OCM: variants seen among roughly 807,000 people sequenced by gnomAD.
The protein encoded by OCM is oncomodulin.
Under a neutral mutation model 14.1 loss-of-function variants are expected in OCM, and 18 were observed. The observed-to-expected ratio is 1.28, with a 90% CI of 0.88 to 1.89. The LOEUF (loss-of-function observed/expected upper bound fraction) is 1.89, where lower values mean the gene tolerates loss of function less well. OCM is among the 40% of genes most tolerant of loss of function. OCM has a pLI of 0.00. For missense variants in OCM, 140 were observed against 137.6 expected, an observed-to-expected ratio of 1.02 and a Z score of -0.09; for synonymous variants, 48 against 51.0, an observed-to-expected ratio of 0.94 and a Z score of 0.25.
chr7:5,862,216 A>C, the OCM span, among the ~76,000 whole-genome samples: 1 of 152,180 alleles, frequency 6.6e-6, no homozygotes, highest in African/African-American at 2.4e-5. Context: ...CAGGACCCCA[A>C]ACTCACTATG....
chr7:5,881,388 A>T (rs1781214438), intron 1 of OCM, among the ~76,000 whole-genome samples: 1 of 151,826 alleles, frequency 6.6e-6, no homozygotes, highest in Non-Finnish European at 1.5e-5. Context: ...TTTGGAGGCC[A>T]AGGTGAGAGG....
the OCM span, among the ~76,000 whole-genome samples, chr7:5,866,749 A>G: frequency 6.6e-6 from 1 of 152,042 alleles, no homozygotes; most frequent in Admixed American, 6.6e-5. Context: ...ATTTAGCAAA[A>G]CTGGGACTGC....
At chr7:5,874,972 T>C (rs1370735857), upstream of OCM, among the ~76,000 whole-genome samples, 1 of 151,960 alleles carries the variant, frequency 6.6e-6, no homozygotes, top group Admixed American at 6.6e-5. Context: ...TCTCTGTCAA[T>C]TTGAATATTC....
chr7:5,860,794 A>G, the OCM span, among the ~76,000 whole-genome samples: 1 of 87,832 alleles, frequency 1.1e-5, no homozygotes, highest in East Asian at 3.0e-4. Flanking sequence ...ATATATACAT[A>G]TATATACACA....
the OCM span, among the ~76,000 whole-genome samples, chr7:5,871,547 T>C: frequency 6.6e-6 from 1 of 152,008 alleles, no homozygotes; most frequent in Non-Finnish European, 1.5e-5. Context: ...TTGCCATGGT[T>C]AAATGACACG....
upstream of OCM, among the ~76,000 whole-genome samples, chr7:5,878,754 CAAAA>C (rs1209421248): frequency 1.6e-5 from 2 of 126,246 alleles, no homozygotes; most frequent in Non-Finnish European, 3.4e-5. Flanking sequence ...TCTCAAAAAA[CAAAA>C]AAAAAAAATG....
upstream of OCM, chr7:5,880,678 G>C: frequency 2.0e-6 from 1 of 494,530 alleles, no homozygotes; most frequent in Non-Finnish European, 3.6e-6. Flanking sequence ...AGAATCACTT[G>C]AGCCCAGGAG....
the OCM span, among the ~76,000 whole-genome samples, chr7:5,869,007 G>A: frequency 6.6e-6 from 1 of 152,118 alleles, no homozygotes; most frequent in Non-Finnish European, 1.5e-5. Context: ...AGGTTGCAGT[G>A]AGCTGAGATC....
At chr7:5,868,085 G>A in the OCM span, among the ~76,000 whole-genome samples, 1 of 151,612 alleles carries the variant, frequency 6.6e-6, no homozygotes, top group East Asian at 1.9e-4. Context: ...TTTTTCTTCG[G>A]TGTCTAATTT....
At chr7:5,884,839 G>T (rs1250362951) in intron 3 of OCM, among the ~76,000 whole-genome samples, 9 of 152,094 alleles carry the variant, frequency 5.9e-5, no homozygotes, top group Admixed American at 4.6e-4. Context: ...ATAACCAGGG[G>T]CTGGGCGTGG....
At chr7:5,883,555 G>C (rs1781269839) in intron 2 of OCM, among the ~76,000 whole-genome samples, 1 of 151,712 alleles carries the variant, frequency 6.6e-6, no homozygotes, top group Non-Finnish European at 1.5e-5. Flanking sequence ...GGCATGGTGG[G>C]GTGCACCTGT....
At chr7:5,861,142 T>C in the OCM span, among the ~76,000 whole-genome samples, 2 of 151,742 alleles carry the variant, frequency 1.3e-5, no homozygotes, top group Non-Finnish European at 2.9e-5. Flanking sequence ...TCTGGCCGAG[T>C]GCAGTGCGGT....
At chr7:5,862,192 A>C in the OCM span, among the ~76,000 whole-genome samples, 4 of 152,198 alleles carry the variant, frequency 2.6e-5, no homozygotes, top group Non-Finnish European at 4.4e-5. Context: ...GTATTGTGAA[A>C]GAAGGTAAAT....
the OCM span, among the ~76,000 whole-genome samples, chr7:5,874,099 C>G: frequency 6.7e-6 from 1 of 150,128 alleles, no homozygotes; most frequent in Admixed American, 6.7e-5. Context: ...TGGTGGGCAC[C>G]TGTAATCCCA....
the OCM span, among the ~76,000 whole-genome samples, chr7:5,861,481 A>G: frequency 1.3e-5 from 2 of 152,100 alleles, no homozygotes; most frequent in Non-Finnish European, 2.9e-5. Flanking sequence ...CAGTTGGGTC[A>G]TGTGATAGAC....
At chr7:5,874,984 A>G (rs773247254), upstream of OCM, among the ~76,000 whole-genome samples, 1 of 151,594 alleles carries the variant, frequency 6.6e-6, no homozygotes, top group Non-Finnish European at 1.5e-5. Flanking sequence ...TGAATATTCT[A>G]GGTACCTCAT....
chr7:5,882,063 GT>G (rs1781226198), intron 1 of OCM, among the ~76,000 whole-genome samples: 1 of 121,544 alleles, frequency 8.2e-6, no homozygotes, highest in South Asian at 2.8e-4. Context: ...CTCCAGCCTG[GT>G]GACAGAGTGA....
the OCM span, among the ~76,000 whole-genome samples, chr7:5,864,365 A>G: frequency 6.7e-6 from 1 of 149,400 alleles, no homozygotes; most frequent in Admixed American, 6.7e-5. Context: ...AAAAAAAGGA[A>G]GAATGACCTT....
intron 2 of OCM, among the ~76,000 whole-genome samples, 156 bp downstream of exon 2, chr7:5,882,781 G>T (rs558365414): frequency 6.6e-6 from 1 of 151,426 alleles, no homozygotes; most frequent in African/African-American, 2.4e-5. Flanking sequence ...TCAGTTGACC[G>T]CACATCTACC....
Sources: gnomAD v4.1 joint callset for allele counts (sites outside exome capture counted in the v4.1 genomes callset) on GRCh38, gnomAD v4.1.1 for gene constraint, MANE v1.5 for transcripts, NCBI Gene and HGNC (gene_info 2026-07-23, HGNC 2026-07-21) for gene names.